RBFOX3: variants seen among roughly 807,000 people sequenced by gnomAD.
RBFOX3 encodes the protein RNA binding fox-1 homolog 3.
A neutral mutation model predicts 48.7 loss-of-function variants in RBFOX3; 17 were observed. The observed-to-expected ratio is 0.35, with a 90% CI of 0.24 to 0.52. The LOEUF is 0.52. RBFOX3 is among the 20% of genes least tolerant of loss of function. The pLI, the probability that RBFOX3 is intolerant of heterozygous loss-of-function variation, is 0.94. For synonymous variants in RBFOX3, 212 were observed against 209.5 expected (o/e 1.01, Z -0.10); for missense variants, 382 against 497.5 (o/e 0.77, Z 2.21).
intron 2 of RBFOX3, among the ~76,000 whole-genome samples, chr17:79,321,583 A>G (rs1293815938): frequency 1.3e-5 from 2 of 152,036 alleles, no homozygotes; most frequent in East Asian, 3.8e-4. Flanking sequence ...AGCAGACAAG[A>G]GAGATGTTAG....
At chr17:79,342,593 C>G (rs562190325) in intron 2 of RBFOX3, among the ~76,000 whole-genome samples, 8 of 152,250 alleles carry the variant, frequency 5.3e-5, no homozygotes, top group Non-Finnish European at 1.2e-4. Flanking sequence ...GTGTTCACAG[C>G]CAGTGAGCGA....
intron 2 of RBFOX3, among the ~76,000 whole-genome samples, chr17:79,445,112 A>C (rs926879882): frequency 1.3e-5 from 2 of 152,136 alleles, no homozygotes; most frequent in African/African-American, 2.4e-5. Flanking sequence ...ATAATATTCC[A>C]CTGCAGGGAC....
intron 3 of RBFOX3, among the ~76,000 whole-genome samples, chr17:79,284,543 C>CTTTTTTTTTTTT (rs55731401): frequency 7.4e-6 from 1 of 135,778 alleles, no homozygotes; most frequent in Non-Finnish European, 1.5e-5. Flanking sequence ...AAGAGACTCG[C>CTTTTTTTTTTTT]TTTTTTTTTT....
chr17:79,219,793 A>T (rs1312586927), intron 4 of RBFOX3, among the ~76,000 whole-genome samples: 1 of 147,262 alleles, frequency 6.8e-6, no homozygotes, highest in African/African-American at 2.5e-5. Flanking sequence ...GGGAAGCGGG[A>T]GGAGTAAAGG....
At chr17:79,501,343 C>G (rs1372597664) in intron 1 of RBFOX3, among the ~76,000 whole-genome samples, 1 of 152,212 alleles carries the variant, frequency 6.6e-6, no homozygotes, top group Non-Finnish European at 1.5e-5. Context: ...CCAGACCCTT[C>G]ATCTCGCTGG....
At chr17:79,169,850 A>G (rs1158554600) in intron 4 of RBFOX3, among the ~76,000 whole-genome samples, 1 of 152,188 alleles carries the variant, frequency 6.6e-6, no homozygotes, top group Non-Finnish European at 1.5e-5. Context: ...CGTATACTTC[A>G]TAAGGGTAAA....
At position 79,103,201 on chromosome 17, in the gene RBFOX3, C is replaced by T; in HGVS notation, c.468G>A (p.Glu156=). 1 of 1,551,478 alleles carries T rather than the reference C, an allele frequency of 6.4e-7. No homozygotes were observed. Among genetic ancestry groups the T allele is most frequent in the Non-Finnish European group, 8.7e-7 (1 of 1,146,936 alleles). Reference sequence around the variant, plus strand: ...CCTCTACGATCGTCCCATTCAGCTTCTCCCGGGCTCGGTCAGCATCTGAGC... The same window carrying T: ...CCTCTACGATCGTCCCATTCAGCTTTTCCCGGGCTCGGTCAGCATCTGAGC... The part of the protein sequence containing the change: ...ETSSDADRAR[E]KLNGTIVEGR... Residue 156 remains glutamate, a synonymous_variant, in exon 8 of 15, where the codon GAG becomes GAA. Coordinates refer to ENST00000693108, the MANE Select transcript of RBFOX3 (RefSeq NM_001350451.2). The surrounding 1 kb of genome is among the most constrained non-coding windows in gnomAD (Gnocchi z 6.1).
intron 3 of RBFOX3, among the ~76,000 whole-genome samples, chr17:79,237,389 A>G (rs930166066): frequency 3.9e-5 from 6 of 152,176 alleles, no homozygotes; most frequent in Admixed American, 6.5e-5. Flanking sequence ...AGGCAGGTAC[A>G]CTTCTTACTC....
chr17:79,168,359 G>A (rs2048450820), intron 4 of RBFOX3, among the ~76,000 whole-genome samples: 1 of 152,252 alleles, frequency 6.6e-6, no homozygotes, highest in African/African-American at 2.4e-5. Context: ...CCTGAGTATG[G>A]GTTTAAATTG....
intron 4 of RBFOX3, among the ~76,000 whole-genome samples, chr17:79,190,878 G>C (rs888247117): frequency 2.0e-5 from 3 of 152,210 alleles, no homozygotes; most frequent in African/African-American, 7.2e-5. Flanking sequence ...TACCGATGGG[G>C]AACAGGAGCC....
Position 79,103,342 on chromosome 17 carries a change from A to C in RBFOX3, c.415-88T>G. 1 of 510,566 alleles carries C rather than the reference A, an allele frequency of 2.0e-6. No homozygotes were observed. The highest frequency in any genetic ancestry group is 2.1e-5 in the South Asian group (1 of 48,278). 31.6% of individuals were successfully genotyped at this position (510,566 alleles called of 1,614,324 possible). A position where few individuals can be genotyped will look rare whatever the true frequency, so the allele number is the denominator to read the frequency against. On this transcript the variant is annotated intron_variant, in intron 7 of 14. Transcript: ENST00000693108. The surrounding 1 kb of genome is among the most constrained non-coding windows in gnomAD (Gnocchi z 6.1). ...GAAGACGAGGAAGAAGAGGAGTGGGAGGGGGGCAGGGGAGTGGGGAGAGAG... is the reference window on the plus strand; with the variant it reads ...GAAGACGAGGAAGAAGAGGAGTGGGCGGGGGGCAGGGGAGTGGGGAGAGAG...
At chr17:79,478,312 C>T (rs2078256967) in intron 2 of RBFOX3, among the ~76,000 whole-genome samples, 1 of 152,188 alleles carries the variant, frequency 6.6e-6, no homozygotes, top group Non-Finnish European at 1.5e-5. Context: ...AGGGTGGGGG[C>T]CGGGGTGGAT....
At chr17:79,466,790 G>A (rs1421136960) in intron 2 of RBFOX3, among the ~76,000 whole-genome samples, 1 of 152,168 alleles carries the variant, frequency 6.6e-6, no homozygotes, top group African/African-American at 2.4e-5. Context: ...TCAGGGGATT[G>A]GAGGAGAGGT....
upstream of RBFOX3, among the ~76,000 whole-genome samples, chr17:79,611,214 G>A (rs1375792583): frequency 2.9e-5 from 2 of 67,834 alleles, no homozygotes; most frequent in Non-Finnish European, 4.6e-5. Flanking sequence ...TCTCTCTCTC[G>A]TTCCTCTGGC....
chr17:79,175,242 C>A (rs758356849), intron 4 of RBFOX3, among the ~76,000 whole-genome samples: 1 of 152,228 alleles, frequency 6.6e-6, no homozygotes, highest in Admixed American at 6.5e-5. Flanking sequence ...TGACCCTGAG[C>A]ACCTGTCATT....
rs904339766 is a variant in RBFOX3, at chr17:79,561,722, G to A, written c.-320+49104C>T. Among the ~76,000 whole-genome samples, 184 of 152,248 alleles carry A rather than the reference G, an allele frequency of 1.2e-3. 4 individuals are homozygous for A. The South Asian group carries it at 0.019, about 16-fold the overall frequency. ...AGGAGCCCTCCCTTCATCCCGGCCC[G>A]AGTCACAGAGCAGCAACCAGCGTCC... On this transcript the variant is annotated intron_variant, in intron 1 of 14. Coordinates refer to ENST00000693108, the MANE Select transcript of RBFOX3 (RefSeq NM_001350451.2).
At position 79,111,594 on chromosome 17, in the gene RBFOX3, C is replaced by A. The variant is rs150583096; in HGVS notation, c.222+3900G>T. 1.3e-5 allele frequency among the ~76,000 whole-genome samples: 2 copies of A among 152,232 alleles called. No individual in the cohort carries two copies. The highest frequency in any genetic ancestry group is 6.5e-5 in the Admixed American group (1 of 15,290). Reference sequence around the variant, plus strand: ...GGGATTACAGGCACGAGCCACCATGCCCGATTAATTTTTGTATTTTTGTAG... The same window carrying A: ...GGGATTACAGGCACGAGCCACCATGACCGATTAATTTTTGTATTTTTGTAG... On this transcript the variant is annotated intron_variant, in intron 5 of 14. Transcript: ENST00000693108. The surrounding 1 kb of genome is among the most constrained non-coding windows in gnomAD (Gnocchi z 4.2).
At chr17:79,158,182 A>G (rs1452578278) in intron 4 of RBFOX3, among the ~76,000 whole-genome samples, 2 of 152,224 alleles carry the variant, frequency 1.3e-5, no homozygotes, top group African/African-American at 4.8e-5. Flanking sequence ...CAGCCAAGGA[A>G]GAGAGGCCTC....
chr17:79,480,384 G>A lies in RBFOX3; in HGVS notation c.-175+2070C>T, dbSNP rs928796032. Among the ~76,000 whole-genome samples the A allele has an allele frequency of 6.6e-5, 10 of 152,230 alleles. No individual in the cohort carries two copies. The East Asian group carries it at 9.7e-4, about 15-fold the overall frequency. On this transcript the variant is annotated intron_variant, in intron 2 of 14. Transcript: ENST00000693108. The surrounding 1 kb of genome is among the most constrained non-coding windows in gnomAD (Gnocchi z 4.8). ...ATAGAGTGCGACAGTGGGCTCGCTC[G>A]TCAGCTGTCCCTTGCTTCCACTCTG...
Sources: gnomAD v4.1 joint callset for allele counts (sites outside exome capture counted in the v4.1 genomes callset) on GRCh38, gnomAD v4.1.1 for gene constraint, Gnocchi (gnomAD v3.1) non-coding constraint, MANE v1.5 for transcripts, NCBI Gene and HGNC (gene_info 2026-07-23, HGNC 2026-07-21) for gene names.